The following ERC2 variants were observed in gnomAD, a reference collection of about 807,000 sequenced individuals.
ERC2 encodes the protein ERC protein 2.
Under a neutral mutation model 114.8 loss-of-function variants are expected in ERC2, and 42 were observed. That is an observed-to-expected ratio of 0.37 (90% CI 0.29 to 0.47). The LOEUF (loss-of-function observed/expected upper bound fraction) is 0.47, where lower values mean the gene tolerates loss of function less well. Among genes scored for constraint, ERC2 ranks in the 20% least tolerant of loss-of-function variants. The pLI, the probability that ERC2 is intolerant of heterozygous loss-of-function variation, is 0.99. For missense variants in ERC2, 939 were observed against 1,150.7 expected (o/e 0.82, Z 2.66); for synonymous variants, 454 against 425.5 (o/e 1.07, Z -0.82).
At chr3:56,005,919 C>T (rs1427935679) in intron 10 of ERC2, among the ~76,000 whole-genome samples, 4 of 152,030 alleles carry the variant, frequency 2.6e-5, no homozygotes, top group African/African-American at 9.7e-5. Flanking sequence ...ATACCCAATA[C>T]ATCATAGCCA....
chr3:56,054,136 A>C (rs183735761), intron 7 of ERC2, among the ~76,000 whole-genome samples: 1 of 152,234 alleles, frequency 6.6e-6, no homozygotes, highest in Non-Finnish European at 1.5e-5. Context: ...CTCTGGAAAA[A>C]CAGAGAATGA....
intron 1 of ERC2, among the ~76,000 whole-genome samples, chr3:56,453,949 G>A (rs997716816): frequency 2.6e-5 from 4 of 152,144 alleles, no homozygotes; most frequent in African/African-American, 7.2e-5. Context: ...ACAGCCCTAG[G>A]AAGAATCCAG....
chr3:55,930,000 A>G (rs946518151), intron 13 of ERC2, among the ~76,000 whole-genome samples: 28 of 152,332 alleles, frequency 1.8e-4, no homozygotes, highest in Non-Finnish European at 3.4e-4. Flanking sequence ...GCACTTTGGA[A>G]GGCCAAGGCA....
intron 2 of ERC2, among the ~76,000 whole-genome samples, chr3:56,325,644 C>G (rs1331199525): frequency 6.6e-6 from 1 of 152,132 alleles, no homozygotes; most frequent in African/African-American, 2.4e-5. Context: ...AAGACAGATG[C>G]TGTATGGATC....
chr3:55,536,115 C>T (rs2053986890), intron 17 of ERC2, among the ~76,000 whole-genome samples: 1 of 152,170 alleles, frequency 6.6e-6, no homozygotes, highest in African/African-American at 2.4e-5. Flanking sequence ...TGGCATAAGT[C>T]CCTTTGGTAG....
chr3:56,003,147 G>A lies in ERC2; in HGVS notation c.2061+4034C>T, dbSNP rs1343269565. The A allele has an allele frequency of 2.3e-6, 3 of 1,287,778 alleles. No homozygotes were observed. In the African/African-American group the frequency reaches 4.6e-5, roughly 20 times the overall value. 79.8% of individuals were successfully genotyped at this position (1,287,778 alleles called of 1,614,324 possible). ...ACTGCTCAGCTTGCTACATTGCAAA[G>A]TTGGGGAGGCATTGAGGCACAGACA... On this transcript the variant is annotated intron_variant, in intron 10 of 17. Coordinates refer to ENST00000288221, the MANE Select transcript of ERC2 (RefSeq NM_015576.3).
intron 10 of ERC2, chr3:56,003,032 G>C: frequency 8.6e-7 from 1 of 1,168,526 alleles, no homozygotes; most frequent in Non-Finnish European, 1.1e-6. Context: ...ATGGCACACC[G>C]TGACTGGTGA....
chr3:55,770,530 G>C (rs1449388697), intron 14 of ERC2, among the ~76,000 whole-genome samples: 1 of 152,166 alleles, frequency 6.6e-6, no homozygotes, highest in Non-Finnish European at 1.5e-5. Context: ...ATGCTCTCCA[G>C]CCCTCACTAT....
chr3:55,947,977 A>G (rs1474451927), intron 13 of ERC2, among the ~76,000 whole-genome samples: 1 of 152,258 alleles, frequency 6.6e-6, no homozygotes, highest in African/African-American at 2.4e-5. Flanking sequence ...AACTTATGAA[A>G]TAAAGAAGAC....
chr3:56,215,059 C>A (rs1180426538), intron 3 of ERC2, among the ~76,000 whole-genome samples: 2 of 152,226 alleles, frequency 1.3e-5, no homozygotes, highest in African/African-American at 2.4e-5. Context: ...TAAAGACCAT[C>A]GAGGCTAGGA....
chr3:56,350,225 T>A (rs1288141131), intron 2 of ERC2, among the ~76,000 whole-genome samples: 1 of 152,154 alleles, frequency 6.6e-6, no homozygotes, highest in Non-Finnish European at 1.5e-5. Context: ...AAAATAAAAT[T>A]TTTCACAGCC....
intron 15 of ERC2, among the ~76,000 whole-genome samples, chr3:55,725,094 T>G (rs1173877268): frequency 6.6e-6 from 1 of 152,228 alleles, no homozygotes; most frequent in Admixed American, 6.5e-5. Flanking sequence ...TTGGTCACCT[T>G]CAGCTAAGCC....
At chr3:55,644,084 G>A (rs926388422) in intron 17 of ERC2, among the ~76,000 whole-genome samples, 8 of 152,196 alleles carry the variant, frequency 5.3e-5, no homozygotes, top group Non-Finnish European at 7.4e-5. Flanking sequence ...GGCTCTATCC[G>A]CAGGCCCAGT....
At chr3:56,253,659 G>A (rs2052330427) in intron 3 of ERC2, among the ~76,000 whole-genome samples, 1 of 152,194 alleles carries the variant, frequency 6.6e-6, no homozygotes, top group Admixed American at 6.5e-5. Flanking sequence ...GGTCAAACAT[G>A]CACAGCAACT....
intron 3 of ERC2, among the ~76,000 whole-genome samples, chr3:56,188,754 C>T (rs1469926298): frequency 6.6e-6 from 1 of 152,204 alleles, no homozygotes; most frequent in Non-Finnish European, 1.5e-5. Context: ...AATCTTTTCA[C>T]ATCCTTGATG....
At chr3:56,399,658 A>G (rs1473948463) in intron 2 of ERC2, among the ~76,000 whole-genome samples, 1 of 149,386 alleles carries the variant, frequency 6.7e-6, no homozygotes, top group Non-Finnish European at 1.5e-5. Context: ...GAAATCAAGA[A>G]CCTTAGTTCT....
chr3:56,348,907 AGAAGGAAGGAAGGAAGGAAG>A (rs1358863890), intron 2 of ERC2, among the ~76,000 whole-genome samples: 1 of 34,956 alleles, frequency 2.9e-5, no homozygotes, highest in South Asian at 9.5e-4. Flanking sequence ...AAGGAAGGAA[AGAAGGAAGGAAGGAAGGAAG>A]GAAGGAAGGA....
At position 56,381,427 on chromosome 3, in the gene ERC2, G is replaced by A. The variant is rs561133337; in HGVS notation, c.657+52924C>T. ...AAAAAGTTAACCCTCCGTATTGGCA[G>A]GTTTTGCATCCTGTGAATACTGTAT... On this transcript the variant is annotated intron_variant, in intron 2 of 17. Transcript: ENST00000288221. Among the ~76,000 whole-genome samples the A allele has an allele frequency of 2.6e-5, 4 of 152,178 alleles. No individual in the cohort carries two copies. In the East Asian group the frequency reaches 7.7e-4, roughly 29 times the overall value.
chr3:55,935,092 A>C (rs547098200), intron 13 of ERC2, among the ~76,000 whole-genome samples: 1 of 152,318 alleles, frequency 6.6e-6, no homozygotes, highest in South Asian at 2.1e-4. Context: ...TAGGCACAGT[A>C]CCCTGCCAGA....
Sources: allele counts gnomAD v4.1 joint callset (sites outside exome capture counted in the v4.1 genomes callset), GRCh38; gene constraint gnomAD v4.1.1; transcripts MANE v1.5; gene names NCBI Gene and HGNC (gene_info 2026-07-23, HGNC 2026-07-21).